CHD7: variants seen among roughly 807,000 people sequenced by gnomAD.
CHD7 encodes the protein ATP-dependent chromatin remodeler CHD7.
CHD7 carries 24 observed loss-of-function variants against 307.3 expected under a neutral mutation model. That is an observed-to-expected ratio of 0.08 (90% CI 0.06 to 0.11). The LOEUF is 0.11. Ranked by LOEUF, CHD7 falls within the 10% of genes least tolerant of loss-of-function variation. The probability of loss-of-function intolerance (pLI) is 1.00; values close to 1 mark genes in which losing one functional copy is unlikely to be tolerated. For missense variants in CHD7, 3,106 were observed against 3,727.1 expected, an observed-to-expected ratio of 0.83 and a Z score of 4.34; for synonymous variants, 1,363 against 1,349.9, an observed-to-expected ratio of 1.01 and a Z score of -0.21.
intron 3 of CHD7, among the ~76,000 whole-genome samples, chr8:60,794,315 A>G (rs1235667664): frequency 1.3e-5 from 2 of 152,190 alleles, no homozygotes; most frequent in East Asian, 3.8e-4. Context: ...TGAAACATGC[A>G]CTTTATTAGG....
Position 60,865,433 on chromosome 8 carries a change from A to C in CHD7, c.8494A>C (p.Ser2832Arg). Reference sequence around the variant, plus strand: ...TACTGGAAACACCACTACTGCTTCTAGTCAAGGAGAACCGGAAGACAGCAC... The same window carrying C: ...TACTGGAAACACCACTACTGCTTCTCGTCAAGGAGAACCGGAAGACAGCAC... ...AATGNTTTAS[S>R]QGEPEDSTSK... The change falls in exon 38 of 38, where the codon AGT becomes CGT. Residue 2832 changes from serine to arginine, a missense_variant. Physicochemically the swap from Ser to Arg is moderately radical, Grantham distance 110 (BLOSUM62 -1). Around this residue, in one of 10 missense-constraint regions of CHD7, gnomAD observed 351 missense variants for 366.2 expected, o/e 0.96. Transcript: ENST00000423902. This position sits in a 1 kb window ranked among gnomAD's most constrained non-coding sequence, Gnocchi z 4.3. 1 of 1,613,986 alleles carries C rather than the reference A, an allele frequency of 6.2e-7. No individual in the cohort carries two copies. The highest frequency in any genetic ancestry group is 1.1e-5 in the South Asian group (1 of 91,080).
rs747298096 is a variant in CHD7 at position 60,822,170 on chromosome 8, CT to C, written c.2957+29del. The C allele has an allele frequency of 3.8e-6, 6 of 1,586,992 alleles. No individual in the cohort carries two copies. The Admixed American group carries it at 8.8e-5, about 23-fold the overall frequency. ...TGTATGTAAAACAAGTTTTTCTTCA[CT>C]TTTAAATATATCTGTAGTTCCTTTC... On this transcript the variant is annotated intron_variant, in intron 11 of 37. Coordinates refer to ENST00000423902, the MANE Select transcript of CHD7 (RefSeq NM_017780.4).
chr8:60,838,372 A>C (rs1586420681), intron 19 of CHD7, 117 bp downstream of exon 19: 1 of 895,940 alleles, frequency 1.1e-6, no homozygotes, highest in East Asian at 2.8e-5. Flanking sequence ...TTAATCATTA[A>C]CTCCCTGTGG....
At chr8:60,684,576 A>G (rs1805789642) in intron 1 of CHD7, among the ~76,000 whole-genome samples, 2 of 152,128 alleles carry the variant, frequency 1.3e-5, no homozygotes, top group Admixed American at 1.3e-4. Flanking sequence ...TGGCTTTAGC[A>G]TTACCATCTG....
chr8:60,700,155 T>C (rs1806689498), intron 1 of CHD7, among the ~76,000 whole-genome samples: 1 of 152,196 alleles, frequency 6.6e-6, no homozygotes, highest in South Asian at 2.1e-4. Context: ...ATTCTTTCTA[T>C]GGAAATATTT....
chr8:60,863,166 G>T (rs1328255493), intron 37 of CHD7: 1 of 153,236 alleles, frequency 6.5e-6, no homozygotes, highest in African/African-American at 2.4e-5. Context: ...TAACACACGT[G>T]TGAGTTTGTG....
At chr8:60,810,856 T>G (rs1172632249) in intron 7 of CHD7, among the ~76,000 whole-genome samples, 1 of 152,198 alleles carries the variant, frequency 6.6e-6, no homozygotes, top group East Asian at 1.9e-4. Context: ...GTCAGTGTCC[T>G]GTTAGGAACC....
chr8:60,702,797 G>T (rs1050098721), intron 1 of CHD7, among the ~76,000 whole-genome samples: 1 of 152,198 alleles, frequency 6.6e-6, no homozygotes, highest in Non-Finnish European at 1.5e-5. Flanking sequence ...ACTTTTGTGG[G>T]TTGGCAGTTT....
intron 36 of CHD7, 76 bp downstream of exon 36, chr8:60,862,412 T>C: frequency 1.3e-6 from 2 of 1,517,264 alleles, no homozygotes; most frequent in South Asian, 1.3e-5. Context: ...TGCCTTCTTC[T>C]ATAGGGGAAA....
In CHD7 at chr8:60,836,916, C is replaced by G. The variant is rs974334602; in HGVS notation, c.4089C>G (p.Leu1363=). The G allele has an allele frequency of 1.2e-5, 19 of 1,613,692 alleles. No homozygotes were observed. The highest frequency in any genetic ancestry group is 1.5e-5 in the Non-Finnish European group (18 of 1,179,826). ...CTGATTCTGATAGGTTTGTTTTCCT[C>G]CTGTGTACAAGGGCAGGAGGTTTAG... The part of the protein sequence containing the change: ...SKPDSDRFVF[L]LCTRAGGLGI... Residue 1363 remains leucine, a synonymous_variant, in exon 17 of 38, where the codon CTC becomes CTG. Coordinates refer to ENST00000423902, the MANE Select transcript of CHD7 (RefSeq NM_017780.4).
chr8:60,866,013 T>A lies in CHD7; in HGVS notation c.*80T>A. ...TGTTTACACTCACAGTTAATGTTCA[T>A]ACCTAGTTTTATAAGCTGTTCTGTA... is the stretch of plus-strand genomic sequence containing the variant. On this transcript the variant is annotated 3_prime_UTR_variant, in exon 38 of 38. Coordinates refer to ENST00000423902, the MANE Select transcript of CHD7 (RefSeq NM_017780.4). The A allele has an allele frequency of 7.8e-7, 1 of 1,277,026 alleles. No homozygotes were observed. The highest frequency in any genetic ancestry group is 1.1e-6 in the Non-Finnish European group (1 of 907,428). 79.1% of individuals were successfully genotyped at this position (1,277,026 alleles called of 1,614,324 possible). A position where few individuals can be genotyped will look rare whatever the true frequency, so the allele number is the denominator to read the frequency against.
intron 1 of CHD7, among the ~76,000 whole-genome samples, chr8:60,736,412 T>A (rs1466980095): frequency 6.6e-6 from 1 of 152,152 alleles, no homozygotes; most frequent in Non-Finnish European, 1.5e-5. Flanking sequence ...CACCTACCAG[T>A]GTGTGGATTC....
At chr8:60,700,775 A>C (rs1045303887) in intron 1 of CHD7, among the ~76,000 whole-genome samples, 8 of 152,192 alleles carry the variant, frequency 5.3e-5, no homozygotes, top group African/African-American at 1.7e-4. Context: ...TCACTGTACC[A>C]TAGTATTTTG....
chr8:60,720,536 G>A (rs563543936), intron 1 of CHD7, among the ~76,000 whole-genome samples: 4 of 152,180 alleles, frequency 2.6e-5, no homozygotes, highest in South Asian at 2.1e-4. Flanking sequence ...GGCCTTCTTC[G>A]TTTCCTTAAA....
intron 1 of CHD7, among the ~76,000 whole-genome samples, chr8:60,689,566 T>C (rs1806091892): frequency 6.6e-6 from 1 of 152,252 alleles, no homozygotes; most frequent in Admixed American, 6.5e-5. Flanking sequence ...GAAATTGCTT[T>C]GGATAGTCCC....
chr8:60,800,722 T>G (rs1563612307), intron 5 of CHD7, among the ~76,000 whole-genome samples, 197 bp downstream of exon 5: 1 of 152,244 alleles, frequency 6.6e-6, no homozygotes. Flanking sequence ...AATTTATTTT[T>G]ATATAAGACT....
chr8:60,738,512 T>C (rs375467565), intron 1 of CHD7, among the ~76,000 whole-genome samples: 3 of 152,214 alleles, frequency 2.0e-5, no homozygotes, highest in East Asian at 3.9e-4. Context: ...TTTGAATGAA[T>C]ATCTTTTATA....
intron 1 of CHD7, among the ~76,000 whole-genome samples, chr8:60,689,795 G>A (rs1806105740): frequency 6.6e-6 from 1 of 152,172 alleles, no homozygotes; most frequent in South Asian, 2.1e-4. Context: ...ACTTAGTAGT[G>A]CTCTAACCCT....
intron 2 of CHD7, among the ~76,000 whole-genome samples, chr8:60,759,407 G>A (rs904700442): frequency 2.2e-5 from 3 of 137,584 alleles, no homozygotes; most frequent in East Asian, 2.1e-4. Flanking sequence ...CTCTCTCTCC[G>A]CCTCCCTTTC....
Sources: gnomAD v4.1 joint callset for allele counts (sites outside exome capture counted in the v4.1 genomes callset) on GRCh38, gnomAD v4.1.1 for gene constraint, gnomAD v4.1.1 regional missense constraint, Gnocchi (gnomAD v3.1) non-coding constraint, MANE v1.5 for transcripts, NCBI Gene and HGNC (gene_info 2026-07-23, HGNC 2026-07-21) for gene names.